The following RIMBP2 variants were observed in gnomAD, a reference collection of about 807,000 sequenced individuals.
RIMBP2 encodes RIMS binding protein 2, also known as RIMS-binding protein 2.
A neutral mutation model predicts 118.6 loss-of-function variants in RIMBP2; 48 were observed. That is an observed-to-expected ratio of 0.40 (90% CI 0.32 to 0.51). RIMBP2 has a LOEUF of 0.51. RIMBP2 is among the 20% of genes least tolerant of loss of function. The pLI is 0.41. For synonymous variants in RIMBP2, 762 were observed against 742.9 expected (o/e 1.03, Z -0.42); for missense variants, 1,551 against 1,768.3 (o/e 0.88, Z 2.20).
At chr12:130,667,992 T>C (rs1005489710) in intron 1 of RIMBP2, 1 of 152,156 alleles carries the variant, frequency 6.6e-6, no homozygotes, top group Non-Finnish European at 1.5e-5. Flanking sequence ...CCCTGAGCCA[T>C]TTTAGGGAAT....
At chr12:130,438,572 C>A (rs2077733136) in intron 11 of RIMBP2, 56 bp from the exon 12 acceptor site, 3 of 1,451,286 alleles carry the variant, frequency 2.1e-6, no homozygotes, top group Non-Finnish European at 1.8e-6. Flanking sequence ...GGCAGGTGAG[C>A]CGTGACTGGG....
rs549874880 is a variant in RIMBP2, at chr12:130,621,560, C to T, written c.-217+6762G>A. 1.4e-3 allele frequency among the ~76,000 whole-genome samples: 207 copies of T among 152,244 alleles called. 1 individual carries two copies. Among genetic ancestry groups the T allele is most frequent in the Non-Finnish European group, 2.5e-3 (172 of 68,020 alleles). On this transcript the variant is annotated intron_variant, in intron 2 of 22. Transcript: ENST00000690449. This position sits in a 1 kb window ranked among gnomAD's most constrained non-coding sequence, Gnocchi z 6.6. ...TCTCTGTCATCTGAAATCTGAAGAT[C>T]GCGACACACATAATATAATACCACG... is the stretch of plus-strand genomic sequence containing the variant.
At chr12:130,664,447 G>GCACGCACGCACACGTGCACGCACA (rs2063823662) in intron 1 of RIMBP2, among the ~76,000 whole-genome samples, 1 of 122,414 alleles carries the variant, frequency 8.2e-6, no homozygotes, top group Non-Finnish European at 1.8e-5. Flanking sequence ...ACGCACACAC[G>GCACGCACGCACACGTGCACGCACA]CACACACATG....
In RIMBP2 at chr12:130,623,797, G is replaced by T. The variant is rs889925636; in HGVS notation, c.-217+4525C>A. Among the ~76,000 whole-genome samples, 15 of 152,294 alleles carry T rather than the reference G, an allele frequency of 9.8e-5. 1 individual carries two copies. The highest frequency in any genetic ancestry group is 3.4e-4 in the African/African-American group (14 of 41,550). On this transcript the variant is annotated intron_variant, in intron 2 of 22. Transcript: ENST00000690449. This position sits in a 1 kb window ranked among gnomAD's most constrained non-coding sequence, Gnocchi z 4.1. Reference sequence around the variant, plus strand: ...CAAGACCGCCTCAGCCAAGTGAAGAGTGCTGGTGGATAAATACCCCAGCTC... The same window carrying T: ...CAAGACCGCCTCAGCCAAGTGAAGATTGCTGGTGGATAAATACCCCAGCTC...
chr12:130,410,704 C>T (rs994557543), intron 19 of RIMBP2, among the ~76,000 whole-genome samples: 11 of 152,122 alleles, frequency 7.2e-5, no homozygotes, highest in Admixed American at 2.6e-4. Flanking sequence ...TCATTCTGCC[C>T]CATTAATCTA....
intron 2 of RIMBP2, among the ~76,000 whole-genome samples, chr12:130,596,697 G>A (rs1439326728): frequency 6.6e-6 from 1 of 152,174 alleles, no homozygotes; most frequent in Non-Finnish European, 1.5e-5. Flanking sequence ...AATGAAATAA[G>A]GACACACATT....
At chr12:130,546,285 T>A (rs1388522166) in intron 2 of RIMBP2, among the ~76,000 whole-genome samples, 3 of 151,420 alleles carry the variant, frequency 2.0e-5, no homozygotes, top group Admixed American at 2.0e-4. Context: ...TTTGTGTTTT[T>A]TGTTAGTTAG....
intron 2 of RIMBP2, among the ~76,000 whole-genome samples, chr12:130,527,441 G>C (rs2052924508): frequency 6.6e-6 from 1 of 152,180 alleles, no homozygotes; most frequent in East Asian, 1.9e-4. Flanking sequence ...TGATATTTCA[G>C]CATTGCACAT....
chr12:130,645,281 G>C (rs1395073319), intron 1 of RIMBP2, among the ~76,000 whole-genome samples: 1 of 152,040 alleles, frequency 6.6e-6, no homozygotes, highest in East Asian at 1.9e-4. Flanking sequence ...TAATAGAGAC[G>C]GGTTTCACCA....
At chr12:130,546,385 T>C (rs1028453758) in intron 2 of RIMBP2, among the ~76,000 whole-genome samples, 3 of 152,054 alleles carry the variant, frequency 2.0e-5, no homozygotes, top group Admixed American at 2.0e-4. Flanking sequence ...AACCTCTGCC[T>C]CCCAGGATCA....
chr12:130,461,012 T>C (rs1187637644), intron 6 of RIMBP2, among the ~76,000 whole-genome samples: 38 of 152,032 alleles, frequency 2.5e-4, no homozygotes, highest in Non-Finnish European at 2.9e-5. Context: ...GTGTTTCTCC[T>C]CCAAGGGGCC....
chr12:130,707,687 CAGGCAG>C (rs898359334), intron 1 of RIMBP2, among the ~76,000 whole-genome samples: 4 of 152,132 alleles, frequency 2.6e-5, no homozygotes, highest in African/African-American at 9.7e-5. Flanking sequence ...GAGTGACTTG[CAGGCAG>C]AGGTGGACAC....
chr12:130,585,609 T>A (rs2058832323), intron 2 of RIMBP2, among the ~76,000 whole-genome samples: 1 of 89,036 alleles, frequency 1.1e-5, no homozygotes, highest in Admixed American at 1.3e-4. Context: ...GGTGAGACCC[T>A]GTCTCAAAAA....
chr12:130,583,126 A>G (rs2058583913), intron 2 of RIMBP2, among the ~76,000 whole-genome samples: 1 of 152,160 alleles, frequency 6.6e-6, no homozygotes, highest in African/African-American at 2.4e-5. Flanking sequence ...CAGTTCTGCA[A>G]TGATTCAGTG....
At chr12:130,591,249 T>G (rs1026609414) in intron 2 of RIMBP2, among the ~76,000 whole-genome samples, 12 of 152,220 alleles carry the variant, frequency 7.9e-5, no homozygotes, top group Non-Finnish European at 1.8e-4. Context: ...TCTCCACAGA[T>G]AGCCAGAACC....
rs186960085 is a variant in RIMBP2, at chr12:130,498,265, G to A, written c.-4+8383C>T. On this transcript the variant is annotated intron_variant, in intron 4 of 22. Transcript: ENST00000690449. ...GTCATTCTCCATGAAGGCAGCAAGTGTCTGCAGTGCCGGTCGGTTCAGCGA... is the reference window on the plus strand; with the variant it reads ...GTCATTCTCCATGAAGGCAGCAAGTATCTGCAGTGCCGGTCGGTTCAGCGA... 5.3e-5 allele frequency among the ~76,000 whole-genome samples: 8 copies of A among 152,210 alleles called. No individual in the cohort carries two copies. In the East Asian group the frequency reaches 1.2e-3, roughly 22 times the overall value.
chr12:130,568,080 TG>T (rs1850082125), intron 2 of RIMBP2, among the ~76,000 whole-genome samples: 1 of 152,212 alleles, frequency 6.6e-6, no homozygotes, highest in Non-Finnish European at 1.5e-5. Flanking sequence ...TAACATCAGG[TG>T]TCCCTCCATT....
chr12:130,473,167 A>G (rs181067026), intron 5 of RIMBP2, among the ~76,000 whole-genome samples: 1 of 152,374 alleles, frequency 6.6e-6, no homozygotes, highest in Admixed American at 6.5e-5. Flanking sequence ...GCATTTTTGC[A>G]GGTGCAAACT....
chr12:130,440,336 C>T (rs1252812969), intron 11 of RIMBP2, among the ~76,000 whole-genome samples: 2 of 152,142 alleles, frequency 1.3e-5, no homozygotes, highest in African/African-American at 4.8e-5. Flanking sequence ...AGCATGAATT[C>T]TGAGAAATGC....
Sources: allele counts gnomAD v4.1 joint callset (sites outside exome capture counted in the v4.1 genomes callset), GRCh38; gene constraint gnomAD v4.1.1; non-coding constraint Gnocchi (gnomAD v3.1); transcripts MANE v1.5; gene names NCBI Gene and HGNC (gene_info 2026-07-23, HGNC 2026-07-21).